The following STK32B variants were observed in gnomAD, a reference collection of about 807,000 sequenced individuals.
The protein encoded by STK32B is serine/threonine kinase 32B.
STK32B carries 43 observed loss-of-function variants against 52.6 expected under a neutral mutation model. The observed-to-expected ratio is 0.82, with a 90% confidence interval of 0.64 to 1.05. The LOEUF (loss-of-function observed/expected upper bound fraction) is 1.05. STK32B is among the 50% of genes least tolerant of loss of function. The pLI, the probability that STK32B is intolerant of heterozygous loss-of-function variation, is 0.00. For missense variants in STK32B, 621 were observed against 534.6 expected (o/e 1.16, Z -1.59); for synonymous variants, 238 against 204.3 (o/e 1.17, Z -1.41).
intron 4 of STK32B, among the ~76,000 whole-genome samples, chr4:5,336,395 T>C (rs756016761): frequency 2.0e-5 from 3 of 151,934 alleles, no homozygotes; most frequent in African/African-American, 7.3e-5. Flanking sequence ...TTATCAGACA[T>C]CCAGGGAAAT....
rs182002654 is a variant in STK32B, at chr4:5,176,646, A to G, written c.260+8196A>G. On this transcript the variant is annotated intron_variant, in intron 3 of 11. Coordinates refer to ENST00000282908, the MANE Select transcript of STK32B (RefSeq NM_018401.3). Reference sequence around the variant, plus strand: ...CTTAGTAAAGACAGGATTTCACCACATTGGCCAGGCTGGTCTCAAGCTCCT... The same window carrying G: ...CTTAGTAAAGACAGGATTTCACCACGTTGGCCAGGCTGGTCTCAAGCTCCT... Among the ~76,000 whole-genome samples the G allele has an allele frequency of 2.0e-5, 3 of 151,906 alleles. No homozygotes were observed. In the East Asian group the frequency reaches 5.8e-4, roughly 30 times the overall value.
At chr4:5,443,092 C>G (rs1168576604) in intron 6 of STK32B, among the ~76,000 whole-genome samples, 2 of 150,730 alleles carry the variant, frequency 1.3e-5, no homozygotes, top group Admixed American at 6.6e-5. Flanking sequence ...CTTGGAGTTG[C>G]TCTTCTCGAG....
intron 3 of STK32B, among the ~76,000 whole-genome samples, chr4:5,199,186 C>G (rs1721928147): frequency 6.6e-6 from 1 of 152,132 alleles, no homozygotes; most frequent in South Asian, 2.1e-4. Context: ...TAAAGGTACA[C>G]ATAAAATGAG....
chr4:5,483,195 T>C (rs868552258), intron 11 of STK32B, among the ~76,000 whole-genome samples: 1,507 of 148,106 alleles, frequency 0.01, 32 homozygotes, highest in African/African-American at 0.037. Flanking sequence ...TGGTAGAATT[T>C]GGCTGTGAAT....
intron 3 of STK32B, among the ~76,000 whole-genome samples, chr4:5,176,464 A>G (rs1358949080): frequency 4.2e-5 from 5 of 119,448 alleles, no homozygotes; most frequent in South Asian, 5.4e-4. Flanking sequence ...TTTTTTTAAG[A>G]TGGAGTTTCA....
chr4:5,488,966 AATGTT>A (rs1472745225), intron 11 of STK32B, among the ~76,000 whole-genome samples: 1 of 152,104 alleles, frequency 6.6e-6, no homozygotes, highest in Non-Finnish European at 1.5e-5. Flanking sequence ...TTATATACAG[AATGTT>A]ATATGTTAAT....
chr4:5,440,368 T>A (rs188066910), intron 6 of STK32B, among the ~76,000 whole-genome samples: 57 of 152,334 alleles, frequency 3.7e-4, no homozygotes, highest in African/African-American at 1.3e-3. Flanking sequence ...TTGAAGCAAT[T>A]GTGAATGGGA....
At chr4:5,221,237 C>T (rs947723066) in intron 3 of STK32B, among the ~76,000 whole-genome samples, 6 of 152,200 alleles carry the variant, frequency 3.9e-5, no homozygotes, top group African/African-American at 1.4e-4. Flanking sequence ...TAATAGGTGG[C>T]ATCTCTACCT....
At chr4:5,376,603 C>T (rs1735604809) in intron 4 of STK32B, among the ~76,000 whole-genome samples, 1 of 152,086 alleles carries the variant, frequency 6.6e-6, no homozygotes, top group Non-Finnish European at 1.5e-5. Context: ...GCACACGGAT[C>T]CCTGGAAACT....
chr4:5,459,292 C>CT lies in STK32B; in HGVS notation c.784-811_784-810insT, dbSNP rs1396920149. 2.7e-5 allele frequency among the ~76,000 whole-genome samples: 4 copies of CT among 148,376 alleles called. No individual in the cohort carries two copies. In the South Asian group the frequency reaches 8.7e-4, roughly 32 times the overall value. On this transcript the variant is annotated intron_variant, in intron 8 of 11. Transcript: ENST00000282908. ...TGTGGACCCTGGTGTGCCCCCCCCC[C>CT]CCACCTTTCTAAGTATGTGCCAGGT...
At chr4:5,117,668 G>A (rs911089877) in intron 1 of STK32B, among the ~76,000 whole-genome samples, 1 of 151,792 alleles carries the variant, frequency 6.6e-6, no homozygotes, top group African/African-American at 2.4e-5. Flanking sequence ...TGTCATGTTT[G>A]CTCCAAATAT....
intron 11 of STK32B, among the ~76,000 whole-genome samples, chr4:5,480,545 T>A (rs1283553429): frequency 6.6e-6 from 1 of 152,140 alleles, no homozygotes; most frequent in Non-Finnish European, 1.5e-5. Context: ...TGGAAAAGAA[T>A]GTTTAGGTTA....
intron 11 of STK32B, among the ~76,000 whole-genome samples, chr4:5,491,735 C>T (rs1224870779): frequency 6.6e-6 from 1 of 151,786 alleles, no homozygotes; most frequent in East Asian, 1.9e-4. Flanking sequence ...GTCTTTAATC[C>T]ACCTTGAATT....
At chr4:5,494,894 G>A (rs10213269) in intron 11 of STK32B, among the ~76,000 whole-genome samples, 2,318 of 152,160 alleles carry the variant, frequency 0.015, 69 homozygotes, top group African/African-American at 0.052. Flanking sequence ...AAGAATGTTG[G>A]ATATTGGCCC....
intron 3 of STK32B, among the ~76,000 whole-genome samples, chr4:5,304,328 T>C (rs1396891738): frequency 6.6e-6 from 1 of 152,116 alleles, no homozygotes; most frequent in East Asian, 1.9e-4. Flanking sequence ...TGTGTTTCCA[T>C]CTGTGTCATC....
At chr4:5,285,583 A>T (rs1223347000) in intron 3 of STK32B, among the ~76,000 whole-genome samples, 1 of 152,226 alleles carries the variant, frequency 6.6e-6, no homozygotes, top group Non-Finnish European at 1.5e-5. Flanking sequence ...AGCAATCATA[A>T]GAACAATTCA....
At chr4:5,289,492 A>AAT (rs1005374479) in intron 3 of STK32B, among the ~76,000 whole-genome samples, 8 of 152,086 alleles carry the variant, frequency 5.3e-5, no homozygotes, top group African/African-American at 1.7e-4. Context: ...CCAGCCAATA[A>AAT]ATATATAAAT....
At chr4:5,086,613 C>T (rs1014053127) in intron 1 of STK32B, among the ~76,000 whole-genome samples, 51 of 151,942 alleles carry the variant, frequency 3.4e-4, no homozygotes, top group African/African-American at 1.2e-3. Context: ...TTCCAAGAAG[C>T]TCAGTGAATC....
chr4:5,112,065 G>GT (rs1214932394), intron 1 of STK32B, among the ~76,000 whole-genome samples: 1 of 152,166 alleles, frequency 6.6e-6, no homozygotes, highest in Non-Finnish European at 1.5e-5. Flanking sequence ...CAGTCACCAG[G>GT]TAAGAGCTGC....
Sources: gnomAD v4.1 joint callset for allele counts (sites outside exome capture counted in the v4.1 genomes callset) on GRCh38, gnomAD v4.1.1 for gene constraint, MANE v1.5 for transcripts, NCBI Gene and HGNC (gene_info 2026-07-23, HGNC 2026-07-21) for gene names.